Variants in TRPM3 observed in about 807,000 individuals in gnomAD.
The protein encoded by TRPM3 is long transient receptor potential channel 3.
Under a neutral mutation model 181.2 loss-of-function variants are expected in TRPM3, and 77 were observed. The observed-to-expected ratio is 0.42, with a 90% CI of 0.35 to 0.51. The LOEUF (loss-of-function observed/expected upper bound fraction) is 0.51. Ranked by LOEUF, TRPM3 falls within the 20% of genes least tolerant of loss-of-function variation. The probability of loss-of-function intolerance (pLI) is 0.01; values close to 1 mark genes in which losing one functional copy is unlikely to be tolerated. For missense variants in TRPM3, 1,759 were observed against 2,196.7 expected (o/e 0.80, Z 3.98); for synonymous variants, 745 against 796.4 (o/e 0.94, Z 1.09).
At chr9:71,434,120 T>C (rs1342467034) in intron 1 of TRPM3, among the ~76,000 whole-genome samples, 1 of 152,074 alleles carries the variant, frequency 6.6e-6, no homozygotes, top group Non-Finnish European at 1.5e-5. Flanking sequence ...GATCATTCCA[T>C]TGCACTCCAG....
chr9:71,042,529 G>A (rs114775958), intron 1 of TRPM3, among the ~76,000 whole-genome samples: 3,118 of 152,078 alleles, frequency 0.021, 108 homozygotes, highest in African/African-American at 0.071. Flanking sequence ...GCAGGAACAC[G>A]CTAAGCTCCC....
At chr9:70,934,626 G>A (rs1477908165) in intron 1 of TRPM3, among the ~76,000 whole-genome samples, 1 of 152,078 alleles carries the variant, frequency 6.6e-6, no homozygotes, top group Non-Finnish European at 1.5e-5. Context: ...AGATTAAGCA[G>A]AAAATATATA....
At chr9:70,937,129 A>G (rs1470928453) in intron 1 of TRPM3, among the ~76,000 whole-genome samples, 7 of 152,220 alleles carry the variant, frequency 4.6e-5, no homozygotes, top group Non-Finnish European at 8.8e-5. Context: ...ACCACATGGC[A>G]AGAGTTGATA....
At position 70,880,858 on chromosome 9, in the gene TRPM3, C is replaced by G. The variant is rs79988592; in HGVS notation, c.178-16347G>C. 7.0e-3 allele frequency among the ~76,000 whole-genome samples: 1,069 copies of G among 152,220 alleles called. 14 individuals are homozygous for G. Among genetic ancestry groups the G allele is most frequent in the African/African-American group, 0.025 (1,021 of 41,542 alleles). Reference sequence around the variant, plus strand: ...CAATTAGTGCTTCTGTTCTTACAGTCCTCTTCCACCTGGCCTGTTTAGAAC... The same window carrying G: ...CAATTAGTGCTTCTGTTCTTACAGTGCTCTTCCACCTGGCCTGTTTAGAAC... On this transcript the variant is annotated intron_variant, in intron 1 of 25. Transcript: ENST00000677713.
At chr9:71,296,447 G>C (rs554456469) in intron 1 of TRPM3, among the ~76,000 whole-genome samples, 2 of 152,116 alleles carry the variant, frequency 1.3e-5, no homozygotes, top group Non-Finnish European at 1.5e-5. Flanking sequence ...ACAAAGAAGG[G>C]ATCAGCCTTA....
At chr9:71,101,836 C>T (rs1402167623) in intron 1 of TRPM3, among the ~76,000 whole-genome samples, 1 of 152,104 alleles carries the variant, frequency 6.6e-6, no homozygotes, top group Non-Finnish European at 1.5e-5. Flanking sequence ...AGCATTTCCC[C>T]TGTGAGAAAG....
chr9:70,891,970 C>T (rs74719952), intron 1 of TRPM3, among the ~76,000 whole-genome samples: 5,036 of 152,208 alleles, frequency 0.033, 116 homozygotes, highest in Non-Finnish European at 0.052. Context: ...AGAAAGTTTA[C>T]TTCAAAACTT....
At chr9:71,076,095 C>T (rs888596547) in intron 1 of TRPM3, among the ~76,000 whole-genome samples, 4 of 151,956 alleles carry the variant, frequency 2.6e-5, no homozygotes, top group Middle Eastern at 3.4e-3. Context: ...TTAGAATGTG[C>T]GGGGGAGGGG....
chr9:71,285,078 T>C (rs538976837), intron 1 of TRPM3, among the ~76,000 whole-genome samples: 3 of 152,270 alleles, frequency 2.0e-5, no homozygotes, highest in African/African-American at 7.2e-5. Context: ...TTCATGAAAC[T>C]TGGGAGATGG....
chr9:71,056,003 G>A (rs1258907621), intron 1 of TRPM3, among the ~76,000 whole-genome samples: 1 of 152,070 alleles, frequency 6.6e-6, no homozygotes, highest in East Asian at 1.9e-4. Flanking sequence ...GTATTTTAGA[G>A]CCATTATCTC....
chr9:70,873,795 T>C (rs116580184), intron 1 of TRPM3, among the ~76,000 whole-genome samples: 2,582 of 152,094 alleles, frequency 0.017, 67 homozygotes, highest in African/African-American at 0.058. Flanking sequence ...AATCATCTGT[T>C]GCCAGTTTCC....
chr9:70,672,607 A>G (rs1370822021), intron 9 of TRPM3, among the ~76,000 whole-genome samples: 3 of 152,210 alleles, frequency 2.0e-5, no homozygotes, highest in African/African-American at 7.2e-5. Flanking sequence ...ATGCTCTAAC[A>G]ATTTAAAAAT....
chr9:70,595,551 G>A (rs2058860088), intron 21 of TRPM3, among the ~76,000 whole-genome samples: 1 of 152,120 alleles, frequency 6.6e-6, no homozygotes, highest in Admixed American at 6.6e-5. Context: ...AGAAAATGTG[G>A]CCTAATTTTA....
intron 1 of TRPM3, among the ~76,000 whole-genome samples, chr9:71,387,481 T>A (rs1433971062): frequency 6.6e-6 from 1 of 152,180 alleles, no homozygotes; most frequent in African/African-American, 2.4e-5. Context: ...ATCTATAAAC[T>A]GCCTATGAAG....
At chr9:71,241,516 G>T (rs2081680566) in intron 1 of TRPM3, among the ~76,000 whole-genome samples, 1 of 135,814 alleles carries the variant, frequency 7.4e-6, no homozygotes, top group Non-Finnish European at 1.6e-5. Context: ...GGAGGGGGGA[G>T]GGATAGCATT....
At chr9:71,039,554 C>A (rs1055828635) in intron 1 of TRPM3, among the ~76,000 whole-genome samples, 2 of 152,072 alleles carry the variant, frequency 1.3e-5, no homozygotes, top group African/African-American at 4.8e-5. Context: ...CCATATGTAA[C>A]CTTCTCACAA....
At position 70,750,098 on chromosome 9, in the gene TRPM3, G is replaced by A. The variant is rs2075864680; in HGVS notation, c.1272+11503C>T. 2.0e-5 allele frequency among the ~76,000 whole-genome samples: 3 copies of A among 152,148 alleles called. No individual in the cohort carries two copies. In the South Asian group the frequency reaches 6.2e-4, roughly 32 times the overall value. On this transcript the variant is annotated intron_variant, in intron 8 of 25. Transcript: ENST00000677713. Reference sequence around the variant, plus strand: ...ACAGCTTTCACCAACACGCAGCTTAGACATAGGCTACTAGGCTGTACTGTA... The same window carrying A: ...ACAGCTTTCACCAACACGCAGCTTAAACATAGGCTACTAGGCTGTACTGTA...
At chr9:70,773,279 G>A (rs891401725) in intron 7 of TRPM3, among the ~76,000 whole-genome samples, 2 of 152,130 alleles carry the variant, frequency 1.3e-5, no homozygotes, top group African/African-American at 4.8e-5. Context: ...AGTCTGGGCT[G>A]ACCACTCTCT....
chr9:71,175,609 C>A (rs1304146880), intron 1 of TRPM3, among the ~76,000 whole-genome samples: 2 of 152,160 alleles, frequency 1.3e-5, no homozygotes, highest in Non-Finnish European at 1.5e-5. Flanking sequence ...AAAGTAACAT[C>A]CATTGATCAG....
Sources: gnomAD v4.1 joint callset for allele counts (sites outside exome capture counted in the v4.1 genomes callset) on GRCh38, gnomAD v4.1.1 for gene constraint, MANE v1.5 for transcripts, NCBI Gene and HGNC (gene_info 2026-07-23, HGNC 2026-07-21) for gene names.